GSTCD: variants seen among roughly 807,000 people sequenced by gnomAD.
GSTCD encodes the protein glutathione S-transferase C-terminal domain-containing protein.
GSTCD carries 44 observed loss-of-function variants against 68.3 expected under a neutral mutation model. The observed-to-expected ratio is 0.64, with a 90% CI of 0.51 to 0.83. The LOEUF is 0.83. GSTCD is among the 40% of genes least tolerant of loss of function. GSTCD has a pLI of 0.00. For missense variants in GSTCD, 739 were observed against 735.9 expected, an observed-to-expected ratio of 1.00 and a Z score of -0.05; for synonymous variants, 273 against 255.2, an observed-to-expected ratio of 1.07 and a Z score of -0.67.
chr4:105,733,105 C>T (rs1733314114), intron 5 of GSTCD, among the ~76,000 whole-genome samples: 1 of 152,096 alleles, frequency 6.6e-6, no homozygotes, highest in Non-Finnish European at 1.5e-5. Flanking sequence ...GCTTTACTTC[C>T]AACTATGTGG....
intron 10 of GSTCD, among the ~76,000 whole-genome samples, chr4:105,839,768 A>G (rs570476646): frequency 6.6e-6 from 1 of 152,324 alleles, no homozygotes; most frequent in South Asian, 2.1e-4. Flanking sequence ...CCTTTGAGTG[A>G]TGCTAGTTAA....
At chr4:105,795,471 T>C (rs1735848852) in intron 5 of GSTCD, among the ~76,000 whole-genome samples, 1 of 152,102 alleles carries the variant, frequency 6.6e-6, no homozygotes, top group South Asian at 2.1e-4. Flanking sequence ...GAATCTCTAA[T>C]CCAGTGTATG....
intron 5 of GSTCD, among the ~76,000 whole-genome samples, chr4:105,757,880 C>G (rs1412329477): frequency 6.6e-6 from 1 of 152,066 alleles, no homozygotes; most frequent in African/African-American, 2.4e-5. Flanking sequence ...CCATTTCCTC[C>G]TTTTTAAAAA....
intron 5 of GSTCD, among the ~76,000 whole-genome samples, chr4:105,787,814 A>G (rs879643988): frequency 2.6e-5 from 4 of 152,102 alleles, no homozygotes; most frequent in Non-Finnish European, 4.4e-5. Context: ...GTTTGCAAAC[A>G]AATTTTCAAG....
intron 5 of GSTCD, among the ~76,000 whole-genome samples, chr4:105,743,550 T>A (rs1318512405): frequency 6.6e-6 from 1 of 151,926 alleles, no homozygotes; most frequent in African/African-American, 2.4e-5. Context: ...GAGGATTTAA[T>A]GTACATTATT....
intron 5 of GSTCD, among the ~76,000 whole-genome samples, chr4:105,800,928 C>T (rs1015812268): frequency 6.6e-6 from 1 of 152,074 alleles, no homozygotes; most frequent in Non-Finnish European, 1.5e-5. Context: ...GAGTTCACAG[C>T]CAACAGCACC....
intron 5 of GSTCD, among the ~76,000 whole-genome samples, chr4:105,782,670 C>T (rs1735322865): frequency 6.6e-6 from 1 of 152,052 alleles, no homozygotes; most frequent in Non-Finnish European, 1.5e-5. Flanking sequence ...ACTGCTACCT[C>T]CTCCTGGGTT....
chr4:105,731,631 A>C (rs183738901), intron 5 of GSTCD, among the ~76,000 whole-genome samples: 84 of 152,328 alleles, frequency 5.5e-4, no homozygotes, highest in African/African-American at 1.9e-3. Context: ...TTTTGGCCAG[A>C]GACAATGGGG....
chr4:105,716,645 T>A (rs564966902), intron 1 of GSTCD, among the ~76,000 whole-genome samples: 17 of 152,364 alleles, frequency 1.1e-4, no homozygotes, highest in Non-Finnish European at 2.1e-4. Context: ...CCTGATGATC[T>A]GAGGTGAAAC....
At chr4:105,765,820 C>T (rs1734583282) in intron 5 of GSTCD, among the ~76,000 whole-genome samples, 2 of 152,126 alleles carry the variant, frequency 1.3e-5, no homozygotes, top group African/African-American at 2.4e-5. Context: ...GGGGCTTTCC[C>T]TGCTTCACTC....
At chr4:105,724,291 A>T (rs775447451) in intron 3 of GSTCD, among the ~76,000 whole-genome samples, 1 of 151,860 alleles carries the variant, frequency 6.6e-6, no homozygotes, top group Non-Finnish European at 1.5e-5. Context: ...TGGTAGTGCT[A>T]GGGAGAAAGC....
At chr4:105,819,970 C>T (rs1307130882) in intron 5 of GSTCD, among the ~76,000 whole-genome samples, 1 of 151,546 alleles carries the variant, frequency 6.6e-6, no homozygotes, top group Non-Finnish European at 1.5e-5. Flanking sequence ...TTAGTAAAGA[C>T]ATCTAATGAG....
At chr4:105,754,943 G>T (rs1734128277) in intron 5 of GSTCD, among the ~76,000 whole-genome samples, 1 of 151,366 alleles carries the variant, frequency 6.6e-6, no homozygotes, top group Non-Finnish European at 1.5e-5. Flanking sequence ...TTTCTGACTG[G>T]GTGCAGTGAT....
At chr4:105,748,187 G>A (rs115522696) in intron 5 of GSTCD, among the ~76,000 whole-genome samples, 18,762 of 152,020 alleles carry the variant, frequency 0.12, 1,681 homozygotes, top group African/African-American at 0.25. Flanking sequence ...CCTGGGAGGC[G>A]GAGGTTGGGG....
chr4:105,741,383 A>T (rs764583056), intron 5 of GSTCD, among the ~76,000 whole-genome samples: 5 of 152,198 alleles, frequency 3.3e-5, no homozygotes, highest in Non-Finnish European at 7.4e-5. Context: ...CTGACACTTC[A>T]AAAATTTAAA....
chr4:105,825,838 A>G (rs748654219), intron 8 of GSTCD, 38 bp downstream of exon 8: 11 of 1,274,332 alleles, frequency 8.6e-6, no homozygotes, highest in Non-Finnish European at 1.0e-5. Context: ...TTAATTAGCT[A>G]AATAAGAAAA....
intron 5 of GSTCD, among the ~76,000 whole-genome samples, chr4:105,752,495 T>A (rs1734040944): frequency 6.6e-6 from 1 of 152,152 alleles, no homozygotes; most frequent in Non-Finnish European, 1.5e-5. Context: ...ATGCAATTAT[T>A]TGATGCGAGG....
At chr4:105,748,730 C>T (rs1436365384) in intron 5 of GSTCD, among the ~76,000 whole-genome samples, 7 of 151,520 alleles carry the variant, frequency 4.6e-5, no homozygotes, top group Middle Eastern at 3.2e-3. Context: ...ATATTACATA[C>T]GATATGTATT....
At chr4:105,711,613 A>T (rs958047960) in intron 1 of GSTCD, among the ~76,000 whole-genome samples, 6 of 152,228 alleles carry the variant, frequency 3.9e-5, no homozygotes, top group Admixed American at 1.3e-4. Flanking sequence ...AATATGTGAC[A>T]AGCTTTTTTC....
Sources: gnomAD v4.1 joint callset for allele counts (sites outside exome capture counted in the v4.1 genomes callset) on GRCh38, gnomAD v4.1.1 for gene constraint, MANE v1.5 for transcripts, NCBI Gene and HGNC (gene_info 2026-07-23, HGNC 2026-07-21) for gene names.